GALNT13: variants seen among roughly 807,000 people sequenced by gnomAD.
The protein encoded by GALNT13 is polypeptide N-acetylgalactosaminyltransferase 13, also known as UDP-GalNAc:polypeptide N-acetylgalactosaminyltransferase 13.
Under a neutral mutation model 64.2 loss-of-function variants are expected in GALNT13, and 28 were observed. That is an observed-to-expected ratio of 0.44 (90% CI 0.32 to 0.60). The LOEUF (loss-of-function observed/expected upper bound fraction) is 0.60. Among genes scored for constraint, GALNT13 ranks in the 20% least tolerant of loss-of-function variants. The pLI is 0.05. For synonymous variants in GALNT13, 214 were observed against 224.6 expected (o/e 0.95, Z 0.42); for missense variants, 577 against 669.8 (o/e 0.86, Z 1.53).
chr2:153,770,121 G>C, the GALNT13 span, among the ~76,000 whole-genome samples: 1 of 152,212 alleles, frequency 6.6e-6, no homozygotes, highest in Admixed American at 6.5e-5. Context: ...TGCCTTGAAG[G>C]CATTGTGACA....
At chr2:153,267,147 C>T in the GALNT13 span, among the ~76,000 whole-genome samples, 1 of 152,208 alleles carries the variant, frequency 6.6e-6, no homozygotes, top group African/African-American at 2.4e-5. Flanking sequence ...CCAGATTGCA[C>T]TGGTTTAAGA....
the GALNT13 span, among the ~76,000 whole-genome samples, chr2:153,623,265 C>A: frequency 6.6e-6 from 1 of 152,046 alleles, no homozygotes; most frequent in African/African-American, 2.4e-5. Flanking sequence ...TTACTTTATA[C>A]CCTTCCTCAA....
the GALNT13 span, among the ~76,000 whole-genome samples, chr2:153,548,220 G>A: frequency 6.6e-6 from 1 of 152,132 alleles, no homozygotes; most frequent in African/African-American, 2.4e-5. Context: ...AGTGGGGCCT[G>A]ACACCCTGCA....
At chr2:153,516,503 T>C in the GALNT13 span, among the ~76,000 whole-genome samples, 10 of 152,014 alleles carry the variant, frequency 6.6e-5, no homozygotes, top group Non-Finnish European at 1.5e-4. Context: ...GAAGTAGAAA[T>C]AGAGTTTTGG....
the GALNT13 span, among the ~76,000 whole-genome samples, chr2:153,351,925 T>C: frequency 6.6e-6 from 1 of 152,212 alleles, no homozygotes; most frequent in African/African-American, 2.4e-5. Flanking sequence ...AAATATCATG[T>C]GCAAGTTTTT....
the GALNT13 span, among the ~76,000 whole-genome samples, chr2:153,514,292 A>C: frequency 2.0e-5 from 3 of 152,110 alleles, no homozygotes; most frequent in Admixed American, 1.3e-4. Flanking sequence ...TTCGGTGACT[A>C]TATTTCTCAA....
At chr2:154,184,854 A>G (rs1477401738) in intron 4 of GALNT13, among the ~76,000 whole-genome samples, 1 of 152,098 alleles carries the variant, frequency 6.6e-6, no homozygotes, top group Non-Finnish European at 1.5e-5. Context: ...GTAATACTTT[A>G]ATCTTAACTT....
intron 8 of GALNT13, among the ~76,000 whole-genome samples, chr2:154,263,602 C>T (rs1217425417): frequency 6.6e-6 from 1 of 151,954 alleles, no homozygotes; most frequent in African/African-American, 2.4e-5. Flanking sequence ...TCTAAGGCTC[C>T]CCTGCTCAAA....
the GALNT13 span, among the ~76,000 whole-genome samples, chr2:153,860,591 C>T: frequency 6.6e-6 from 1 of 152,104 alleles, no homozygotes; most frequent in Non-Finnish European, 1.5e-5. Context: ...GAAGGGTCAG[C>T]AGGTGGTTGT....
the GALNT13 span, among the ~76,000 whole-genome samples, chr2:153,397,147 T>C: frequency 6.6e-6 from 1 of 152,196 alleles, no homozygotes; most frequent in African/African-American, 2.4e-5. Flanking sequence ...CCAATGGCAC[T>C]GTAACCAGCA....
the GALNT13 span, among the ~76,000 whole-genome samples, chr2:153,211,614 G>A: frequency 6.6e-6 from 1 of 152,154 alleles, no homozygotes; most frequent in Non-Finnish European, 1.5e-5. Flanking sequence ...CTGCACTCTT[G>A]CCTGATGGAT....
At chr2:153,770,571 G>T in the GALNT13 span, among the ~76,000 whole-genome samples, 1 of 152,186 alleles carries the variant, frequency 6.6e-6, no homozygotes, top group Non-Finnish European at 1.5e-5. Context: ...GGTGCTCATG[G>T]GTAAGAGCCA....
intron 9 of GALNT13, among the ~76,000 whole-genome samples, chr2:154,351,175 T>C (rs1245528042): frequency 1.3e-5 from 2 of 152,118 alleles, no homozygotes; most frequent in Admixed American, 1.3e-4. Flanking sequence ...GACTTTGCGC[T>C]TTGGCTGTGA....
the GALNT13 span, among the ~76,000 whole-genome samples, chr2:153,567,417 C>T: frequency 6.6e-6 from 1 of 152,182 alleles, no homozygotes; most frequent in Non-Finnish European, 1.5e-5. Flanking sequence ...AAGCCATTAG[C>T]ATTGGTAGAA....
At chr2:154,099,877 C>T (rs1558957252) in intron 3 of GALNT13, among the ~76,000 whole-genome samples, 2 of 152,046 alleles carry the variant, frequency 1.3e-5, no homozygotes, top group Admixed American at 1.3e-4. Context: ...TAGGTTGAGG[C>T]TGCAGTGAGC....
intron 3 of GALNT13, among the ~76,000 whole-genome samples, chr2:153,957,416 T>A (rs1692638532): frequency 1.3e-5 from 2 of 152,212 alleles, no homozygotes; most frequent in African/African-American, 4.8e-5. Flanking sequence ...CAGCTGCTTG[T>A]CTGCCACTGT....
the GALNT13 span, among the ~76,000 whole-genome samples, chr2:153,799,085 T>C: frequency 1.9e-3 from 283 of 152,256 alleles, no homozygotes; most frequent in South Asian, 8.9e-3. Flanking sequence ...ACTGGGTGAC[T>C]TAACAGGTGT....
intron 9 of GALNT13, among the ~76,000 whole-genome samples, chr2:154,355,828 A>T (rs1010457680): frequency 6.6e-6 from 1 of 152,030 alleles, no homozygotes; most frequent in African/African-American, 2.4e-5. Flanking sequence ...TGTTTTTGAT[A>T]ATAGATTATG....
chr2:153,181,275 A>G, the GALNT13 span, among the ~76,000 whole-genome samples: 1 of 151,004 alleles, frequency 6.6e-6, no homozygotes. Context: ...GGTGTTCAGG[A>G]GTACGTTTTA....
Sources: gnomAD v4.1 joint callset for allele counts (sites outside exome capture counted in the v4.1 genomes callset) on GRCh38, gnomAD v4.1.1 for gene constraint, MANE v1.5 for transcripts, NCBI Gene and HGNC (gene_info 2026-07-23, HGNC 2026-07-21) for gene names.